The following RSF1 variants were observed in gnomAD, a reference collection of about 807,000 sequenced individuals.
The protein encoded by RSF1 is HBV pX-associated protein 8.
A neutral mutation model predicts 145.2 loss-of-function variants in RSF1; 13 were observed. That is an observed-to-expected ratio of 0.09 (90% confidence interval 0.06 to 0.14). The LOEUF (loss-of-function observed/expected upper bound fraction) is 0.14, where lower values mean the gene tolerates loss of function less well. Among genes scored for constraint, RSF1 ranks in the 10% least tolerant of loss-of-function variants. The pLI, the probability that RSF1 is intolerant of heterozygous loss-of-function variation, is 1.00. For missense variants in RSF1, 1,517 were observed against 1,718.2 expected, an observed-to-expected ratio of 0.88 and a Z score of 2.07; for synonymous variants, 577 against 592.6, an observed-to-expected ratio of 0.97 and a Z score of 0.38.
intron 2 of RSF1, among the ~76,000 whole-genome samples, chr11:77,753,265 T>C (rs1342200381): frequency 6.6e-6 from 1 of 152,224 alleles, no homozygotes; most frequent in Non-Finnish European, 1.5e-5. Flanking sequence ...AAAATCGCCT[T>C]TGCAAAAATT....
chr11:77,852,062 C>G, the RSF1 span, among the ~76,000 whole-genome samples: 1 of 151,098 alleles, frequency 6.6e-6, no homozygotes, highest in East Asian at 1.9e-4. Context: ...ATTATTTTTA[C>G]TAAATAATTT....
At chr11:77,850,333 G>A in the RSF1 span, among the ~76,000 whole-genome samples, 404 of 152,052 alleles carry the variant, frequency 2.7e-3, 4 homozygotes, top group African/African-American at 9.3e-3. Flanking sequence ...ACTTTTCCAG[G>A]GTCACATAAC....
At chr11:77,696,627 G>A (rs987552000) in intron 7 of RSF1, among the ~76,000 whole-genome samples, 1 of 152,164 alleles carries the variant, frequency 6.6e-6, no homozygotes, top group Non-Finnish European at 1.5e-5. Flanking sequence ...TAGGTAAAAT[G>A]CCCTCTTTTA....
At chr11:77,869,744 C>T in the RSF1 span, 1 of 1,613,792 alleles carries the variant, frequency 6.2e-7, no homozygotes, top group Non-Finnish European at 8.5e-7. Flanking sequence ...GTGCAGCCTG[C>T]AGATGTGAAG....
intron 1 of RSF1, among the ~76,000 whole-genome samples, chr11:77,817,694 A>G (rs1948795082): frequency 6.6e-6 from 1 of 152,190 alleles, no homozygotes; most frequent in South Asian, 2.1e-4. Context: ...TAATCTATTG[A>G]GCCTTAGTTT....
At chr11:77,808,659 G>C (rs986154816) in intron 1 of RSF1, among the ~76,000 whole-genome samples, 1 of 117,578 alleles carries the variant, frequency 8.5e-6, no homozygotes, top group African/African-American at 3.6e-5. Context: ...TCAGCCTCCC[G>C]AGTAGCTGGG....
At chr11:77,830,581 C>T in the RSF1 span, among the ~76,000 whole-genome samples, 2 of 151,034 alleles carry the variant, frequency 1.3e-5, no homozygotes, top group Non-Finnish European at 2.9e-5. Context: ...GTGCCCCCGA[C>T]CCCTTCTTCC....
rs201049799 is a variant in RSF1, at chr11:77,700,933, C to T, written c.2296G>A (p.Glu766Lys). 1 of 1,611,942 alleles carries T rather than the reference C, an allele frequency of 6.2e-7. No individual in the cohort carries two copies. The highest frequency in any genetic ancestry group is 8.5e-7 in the Non-Finnish European group (1 of 1,179,038). ...ENKQEKTEKE[E>K]EKTNVGRTLR... ...GTACGACCCACATTTGTTTTCTCCT[C>T]TTCCTTTTCTGTCTTCTCTTGCTTG... Residue 766 changes from glutamate (E) to lysine (K), a missense_variant, in exon 6 of 16, where the codon GAG (glutamate) becomes AAG (lysine). Around this residue, in one of 12 missense-constraint regions of RSF1, gnomAD observed 579 missense variants for 553.5 expected, o/e 1.05. Coordinates refer to ENST00000308488, the MANE Select transcript of RSF1 (RefSeq NM_016578.4).
chr11:77,763,560 T>G (rs1045412570), intron 2 of RSF1: 2 of 152,136 alleles, frequency 1.3e-5, no homozygotes, highest in African/African-American at 4.8e-5. Flanking sequence ...ATGAGGATAA[T>G]CAGTATTTTA....
Position 77,663,376 on chromosome 11 carries a change from T to C in RSF1, c.*3541A>G, listed in dbSNP as rs1407899177. 6.6e-6 allele frequency: 1 copy of C among 152,216 alleles called. No individual in the cohort carries two copies. The allele number at this position is 152,216 out of a possible 1,614,324, so 9.4% of individuals were successfully genotyped here. A position where few individuals can be genotyped will look rare whatever the true frequency, so the allele number is the denominator to read the frequency against. On this transcript the variant is annotated 3_prime_UTR_variant, in exon 16 of 16. Coordinates refer to ENST00000308488, the MANE Select transcript of RSF1 (RefSeq NM_016578.4). ...TCTTAATATGTGTACTTTGCTCAAA[T>C]GTATATTATAGGATGGGTTTCATCA... is the stretch of plus-strand genomic sequence containing the variant.
At chr11:77,832,601 C>T in the RSF1 span, among the ~76,000 whole-genome samples, 2 of 151,988 alleles carry the variant, frequency 1.3e-5, no homozygotes, top group South Asian at 2.1e-4. Context: ...ACTGGGATTA[C>T]AGGCATGAGC....
the RSF1 span, among the ~76,000 whole-genome samples, chr11:77,862,678 A>G: frequency 6.6e-6 from 1 of 152,144 alleles, no homozygotes; most frequent in Non-Finnish European, 1.5e-5. Context: ...CACTTTTTAC[A>G]TAATTGCGAG....
chr11:77,820,513 G>A lies in RSF1; in HGVS notation c.187+15C>T, dbSNP rs749063467. 3.9e-6 allele frequency: 6 copies of A among 1,546,468 alleles called. No individual in the cohort carries two copies. Among genetic ancestry groups the A allele is most frequent in the East Asian group, 4.9e-5 (2 of 40,888 alleles). ...CAGGGCCGCTTCCCGCCGGGCGTTC[G>A]GGCCCCTCGCTTACCTTCTCCGTTG... On this transcript the variant is annotated intron_variant, in intron 1 of 15. Transcript: ENST00000308488.
intron 7 of RSF1, among the ~76,000 whole-genome samples, chr11:77,696,287 G>C (rs1960275540): frequency 6.6e-6 from 1 of 152,126 alleles, no homozygotes; most frequent in South Asian, 2.1e-4. Context: ...CCAAGCCTCA[G>C]GTGATAATCC....
At chr11:77,673,143 T>C (rs528983048) in intron 14 of RSF1, among the ~76,000 whole-genome samples, 1 of 152,346 alleles carries the variant, frequency 6.6e-6, no homozygotes, top group East Asian at 1.9e-4. Context: ...TCATAATGTA[T>C]TGCAGAGGTT....
In RSF1 at chr11:77,662,889, T is replaced by C. The variant is rs1207143961; in HGVS notation, c.*4028A>G. On this transcript the variant is annotated 3_prime_UTR_variant, in exon 16 of 16. Coordinates refer to ENST00000308488, the MANE Select transcript of RSF1 (RefSeq NM_016578.4). ...TGTCAAACATCAGGAGAAACTGTTG[T>C]CTAGATTTTCTGTAATTAAATGATG... 6.6e-6 allele frequency: 1 copy of C among 152,184 alleles called. No homozygotes were observed. Among genetic ancestry groups the C allele is most frequent in the East Asian group, 1.9e-4 (1 of 5,202 alleles). The allele number at this position is 152,184 out of a possible 1,614,324, so 9.4% of individuals were successfully genotyped here. A position where few individuals can be genotyped will look rare whatever the true frequency, so the allele number is the denominator to read the frequency against.
At chr11:77,742,828 G>A (rs1388755448) in intron 3 of RSF1, among the ~76,000 whole-genome samples, 1 of 152,116 alleles carries the variant, frequency 6.6e-6, no homozygotes, top group African/African-American at 2.4e-5. Context: ...TGTTGCTTGA[G>A]TTCTTTATAT....
chr11:77,725,536 A>G lies in RSF1; in HGVS notation c.733+9T>C. ...AAAACAAAGCAAAACAAAACACACA[A>G]AAAAAAACCTTGTTTAGGTGTTTCT... is the stretch of plus-strand genomic sequence containing the variant. On this transcript the variant is annotated intron_variant, in intron 5 of 15. Transcript: ENST00000308488. 2 of 1,534,492 alleles carry G rather than the reference A, an allele frequency of 1.3e-6. No homozygotes were observed. Among genetic ancestry groups the G allele is most frequent in the South Asian group, 1.2e-5 (1 of 80,064 alleles).
At chr11:77,843,562 G>A in the RSF1 span, among the ~76,000 whole-genome samples, 9 of 152,134 alleles carry the variant, frequency 5.9e-5, no homozygotes, top group African/African-American at 9.7e-5. Context: ...TTATCTTGAC[G>A]CCTCCACTGT....
Sources: gnomAD v4.1 joint callset for allele counts (sites outside exome capture counted in the v4.1 genomes callset) on GRCh38, gnomAD v4.1.1 for gene constraint, gnomAD v4.1.1 regional missense constraint, MANE v1.5 for transcripts, NCBI Gene and HGNC (gene_info 2026-07-23, HGNC 2026-07-21) for gene names.